The following LRP1B variants were observed in gnomAD, a reference collection of about 807,000 sequenced individuals.
The protein encoded by LRP1B is LDL receptor related protein 1B, also known as low-density lipoprotein receptor-related protein 1B.
A neutral mutation model predicts 556.6 loss-of-function variants in LRP1B; 217 were observed. The ratio of observed to expected loss-of-function variants is 0.39; its 90% CI spans 0.35 to 0.44. The LOEUF is 0.44. LRP1B is among the 20% of genes least tolerant of loss of function. The pLI, the probability that LRP1B is intolerant of heterozygous loss-of-function variation, is 1.00. For missense variants in LRP1B, 5,053 were observed against 5,620.8 expected, an observed-to-expected ratio of 0.90 and a Z score of 3.23; for synonymous variants, 2,047 against 1,865.8, an observed-to-expected ratio of 1.10 and a Z score of -2.50.
chr2:141,184,721 A>G, intron 7 of LRP1B, among the ~76,000 whole-genome samples: 1 of 151,226 alleles, frequency 6.6e-6, no homozygotes, highest in African/African-American at 2.4e-5. Context: ...GTCTTTTATT[A>G]TAGGTGCCTC....
intron 3 of LRP1B, among the ~76,000 whole-genome samples, chr2:141,472,591 T>C (rs529489342): frequency 1.3e-5 from 2 of 152,150 alleles, no homozygotes; most frequent in South Asian, 2.1e-4. Context: ...ATAGAGTATA[T>C]TGCAGCAACA....
Position 141,684,598 on chromosome 2 carries a change from T to TA in LRP1B, c.205+125680dup, listed in dbSNP as rs1452943516. Among the ~76,000 whole-genome samples, 28 of 148,012 alleles carry TA rather than the reference T, an allele frequency of 1.9e-4. No individual in the cohort carries two copies. In the South Asian group the frequency reaches 3.6e-3, roughly 19 times the overall value. On this transcript the variant is annotated intron_variant, in intron 2 of 90. Transcript: ENST00000389484. ...TACACATGTATCCCAGAACTTAAAG[T>TA]AAAAAAAAAGAAAAAAAAATTGAAC...
At chr2:142,089,643 T>C (rs1009991363) in intron 1 of LRP1B, among the ~76,000 whole-genome samples, 2 of 152,178 alleles carry the variant, frequency 1.3e-5, no homozygotes, top group African/African-American at 4.8e-5. Flanking sequence ...AATGGTAGGT[T>C]GAGGGATAGT....
At chr2:140,854,450 G>T (rs946504567) in intron 27 of LRP1B, among the ~76,000 whole-genome samples, 1 of 151,932 alleles carries the variant, frequency 6.6e-6, no homozygotes, top group South Asian at 2.1e-4. Context: ...AATCCACAAA[G>T]AATTCTTACT....
chr2:140,776,348 ACT>A, intron 32 of LRP1B, 110 bp from the exon 33 acceptor site: 2 of 692,726 alleles, frequency 2.9e-6, no homozygotes. Flanking sequence ...ATATTTCCAA[ACT>A]CTGTTTCTAA....
intron 83 of LRP1B, among the ~76,000 whole-genome samples, chr2:140,306,620 AT>A (rs58571888): frequency 0.34 from 50,029 of 149,272 alleles, 9,003 homozygotes; most frequent in Non-Finnish European, 0.42. Context: ...GGATTCATTG[AT>A]TTTTTTTTTA....
At chr2:141,129,113 C>A (rs974351590) in intron 7 of LRP1B, among the ~76,000 whole-genome samples, 2 of 151,958 alleles carry the variant, frequency 1.3e-5, no homozygotes, top group African/African-American at 4.8e-5. Flanking sequence ...AATAAGGCAA[C>A]TTTAATAAAG....
At chr2:140,580,449 G>A (rs138525034) in intron 43 of LRP1B, among the ~76,000 whole-genome samples, 50 of 152,070 alleles carry the variant, frequency 3.3e-4, no homozygotes, top group Non-Finnish European at 5.7e-4. Context: ...TTTTAACCAC[G>A]AAATAAAAAG....
In LRP1B at chr2:140,248,665, GTGTT is replaced by G. The variant is rs956199171; in HGVS notation, c.13248-1507_13248-1504del. Among the ~76,000 whole-genome samples, 3 of 151,526 alleles carry G rather than the reference GTGTT, an allele frequency of 2.0e-5. 1 individual carries two copies. The highest frequency in any genetic ancestry group is 7.2e-5 in the African/African-American group (3 of 41,454). On this transcript the variant is annotated intron_variant, in intron 86 of 90. Transcript: ENST00000389484. ...AAAGTGAACAACAAATAAAATCATTGTGTTTGTTTTTTCTTTTTAATTTGTGGTA... is the reference window on the plus strand; with the variant it reads ...AAAGTGAACAACAAATAAAATCATTGTGTTTTTTCTTTTTAATTTGTGGTA...
chr2:140,840,597 T>C (rs1029848285), intron 30 of LRP1B, among the ~76,000 whole-genome samples: 1 of 152,200 alleles, frequency 6.6e-6, no homozygotes, highest in Non-Finnish European at 1.5e-5. Flanking sequence ...ATGTAGCACA[T>C]GCATTTTTAA....
intron 3 of LRP1B, among the ~76,000 whole-genome samples, chr2:141,464,191 C>T (rs1043076842): frequency 6.6e-6 from 1 of 152,072 alleles, no homozygotes; most frequent in Non-Finnish European, 1.5e-5. Flanking sequence ...TAACACCACA[C>T]TGCTGTGAGT....
At chr2:140,668,266 C>T (rs571461041) in intron 41 of LRP1B, among the ~76,000 whole-genome samples, 1,880 of 116,636 alleles carry the variant, frequency 0.016, 27 homozygotes, top group Middle Eastern at 0.068. Flanking sequence ...GCTGAGATTG[C>T]GCCACTGTAC....
intron 7 of LRP1B, among the ~76,000 whole-genome samples, chr2:141,123,889 C>T (rs1012285019): frequency 6.6e-6 from 1 of 151,962 alleles, no homozygotes; most frequent in African/African-American, 2.4e-5. Flanking sequence ...AATGCATTTC[C>T]TAAAAATTTG....
rs1174966172 is a variant in LRP1B at position 140,994,038 on chromosome 2, G to A, written c.2601C>T (p.Asp867=). The A allele has an allele frequency of 2.5e-6, 4 of 1,612,422 alleles. No individual in the cohort carries two copies. Among genetic ancestry groups the A allele is most frequent in the Admixed American group, 3.3e-5 (2 of 59,854 alleles). ...CIQARWKCDG[D]DDCLDGSDED... is the part of the protein sequence containing the mutation. ...CATCGCTTCCGTCTAGGCAGTCATC[G>A]TCGCCATCACATTTCCACCGAGCTT... is the stretch of plus-strand genomic sequence containing the variant. The change falls in exon 16 of 91, where the codon GAC becomes GAT. Residue 867 remains aspartate (D), a synonymous_variant. Coordinates refer to ENST00000389484, the MANE Select transcript of LRP1B (RefSeq NM_018557.3).
intron 1 of LRP1B, among the ~76,000 whole-genome samples, chr2:141,818,563 G>T (rs1696639597): frequency 1.7e-5 from 2 of 116,470 alleles, no homozygotes; most frequent in Admixed American, 9.9e-5. Flanking sequence ...TTGAGATGGA[G>T]TCTTGCTCTG....
intron 87 of LRP1B, among the ~76,000 whole-genome samples, chr2:140,244,004 C>CT (rs1320998152): frequency 6.6e-6 from 1 of 151,116 alleles, no homozygotes. Context: ...TGAATATTTC[C>CT]TTTTTTATTT....
chr2:140,342,563 C>T (rs1681449029), intron 77 of LRP1B, among the ~76,000 whole-genome samples: 1 of 151,454 alleles, frequency 6.6e-6, no homozygotes, highest in Admixed American at 6.6e-5. Context: ...CTGTGGAGTT[C>T]ATATATAGAG....
intron 80 of LRP1B, among the ~76,000 whole-genome samples, chr2:140,324,703 G>T (rs1247903745): frequency 6.6e-6 from 1 of 151,662 alleles, no homozygotes; most frequent in Non-Finnish European, 1.5e-5. Context: ...TTTTGAAACT[G>T]AAATTTATAA....
intron 35 of LRP1B, among the ~76,000 whole-genome samples, chr2:140,756,936 A>G (rs1688760151): frequency 6.6e-6 from 1 of 152,196 alleles, no homozygotes; most frequent in African/African-American, 2.4e-5. Context: ...TTTATCTAGA[A>G]TGTATTCAAA....
Sources: allele counts gnomAD v4.1 joint callset (sites outside exome capture counted in the v4.1 genomes callset), GRCh38; gene constraint gnomAD v4.1.1; transcripts MANE v1.5; gene names NCBI Gene and HGNC (gene_info 2026-07-23, HGNC 2026-07-21).